Variants in EML6 observed in about 807,000 individuals in gnomAD.
EML6 encodes the protein EMAP like 6.
In EML6, 154 loss-of-function variants were observed where a neutral mutation model predicts 240.1. The observed-to-expected ratio is 0.64, with a 90% CI of 0.56 to 0.73. The LOEUF is 0.73. Among genes scored for constraint, EML6 ranks in the 30% least tolerant of loss-of-function variants. The probability of loss-of-function intolerance (pLI) is 0.00; values close to 1 mark genes in which losing one functional copy is unlikely to be tolerated. For synonymous variants in EML6, 1,148 were observed against 899.0 expected, an observed-to-expected ratio of 1.28 and a Z score of -4.95; for missense variants, 2,964 against 2,474.6, an observed-to-expected ratio of 1.20 and a Z score of -4.20.
intron 7 of EML6, among the ~76,000 whole-genome samples, chr2:54,830,243 T>C (rs1558587034): frequency 1.3e-5 from 2 of 151,986 alleles, no homozygotes; most frequent in Admixed American, 1.3e-4. Flanking sequence ...AAAATGTAAA[T>C]AGGTAAGACA....
chr2:54,725,270 G>C lies in EML6; in HGVS notation c.197+12G>C. 7.1e-7 allele frequency: 1 copy of C among 1,400,086 alleles called. No homozygotes were observed. Among genetic ancestry groups the C allele is most frequent in the Non-Finnish European group, 9.4e-7 (1 of 1,064,900 alleles). The allele number at this position is 1,400,086 out of a possible 1,614,324, so 86.7% of individuals were successfully genotyped here. Reference sequence around the variant, plus strand: ...GACGACATTATCAGGTAAGGGGGTGGCCAGGGGCGGCGGGGAGGGGTTGCG... The same window carrying C: ...GACGACATTATCAGGTAAGGGGGTGCCCAGGGGCGGCGGGGAGGGGTTGCG... On this transcript the variant is annotated intron_variant, in intron 2 of 41. Transcript: ENST00000356458. This position sits in a 1 kb window ranked among gnomAD's most constrained non-coding sequence, Gnocchi z 4.3.
intron 2 of EML6, among the ~76,000 whole-genome samples, chr2:54,742,152 G>C (rs527862665): frequency 6.6e-6 from 1 of 152,290 alleles, no homozygotes; most frequent in South Asian, 2.1e-4. Flanking sequence ...TTAGTGTTCT[G>C]TGGCACAGAT....
At chr2:54,753,739 C>G (rs963502297) in intron 2 of EML6, among the ~76,000 whole-genome samples, 7 of 150,330 alleles carry the variant, frequency 4.7e-5, no homozygotes, top group African/African-American at 1.7e-4. Context: ...AGTCATAGCT[C>G]ACTGCAGCCT....
rs1166249048 is a variant in EML6 at position 54,889,622 on chromosome 2, T to C, written c.2439-1432T>C. 2.6e-5 allele frequency among the ~76,000 whole-genome samples: 4 copies of C among 152,144 alleles called. No individual in the cohort carries two copies. In the South Asian group the frequency reaches 8.3e-4, roughly 31 times the overall value. On this transcript the variant is annotated intron_variant, in intron 17 of 41. Transcript: ENST00000356458. ...GTATATACAAAGGTTATTGATTTGGTATTCAATTTTATATACTGTACCTTT... is the reference window on the plus strand; with the variant it reads ...GTATATACAAAGGTTATTGATTTGGCATTCAATTTTATATACTGTACCTTT...
intron 17 of EML6, among the ~76,000 whole-genome samples, chr2:54,884,085 A>G (rs768221414): frequency 3.9e-5 from 6 of 152,208 alleles, no homozygotes; most frequent in Non-Finnish European, 8.8e-5. Flanking sequence ...CTATTCTGAC[A>G]CTGTCTACCT....
At chr2:54,961,196 T>TTTTGTTTTTTTGTTTTTTTTTTTTG (rs1558729658) in intron 35 of EML6, among the ~76,000 whole-genome samples, 1 of 119,782 alleles carries the variant, frequency 8.3e-6, no homozygotes, top group Non-Finnish European at 1.7e-5. Flanking sequence ...TTTTTTTTTT[T>TTTTGTTTTTTTGTTTTTTTTTTTTG]TTTTTTTGAG....
chr2:54,733,254 A>G (rs903635333), intron 2 of EML6, among the ~76,000 whole-genome samples: 2 of 152,222 alleles, frequency 1.3e-5, no homozygotes, highest in South Asian at 2.1e-4. Flanking sequence ...GAATTATTTT[A>G]AGGCATGAGC....
chr2:54,813,184 G>A, intron 2 of EML6, 48 bp from the exon 3 acceptor site: 1 of 1,359,012 alleles, frequency 7.4e-7, no homozygotes, highest in African/African-American at 1.5e-5. Context: ...AAGGTGATCA[G>A]TGTTTTCTTC....
chr2:54,743,349 A>T (rs1181025255), intron 2 of EML6, among the ~76,000 whole-genome samples: 1 of 152,260 alleles, frequency 6.6e-6, no homozygotes, highest in Admixed American at 6.5e-5. Context: ...GCGAACTCCA[A>T]ATGACAGTGG....
intron 28 of EML6, among the ~76,000 whole-genome samples, chr2:54,936,473 T>C (rs1675140734): frequency 6.6e-6 from 1 of 152,212 alleles, no homozygotes; most frequent in African/African-American, 2.4e-5. Flanking sequence ...CTATATACAG[T>C]TGGAACCTGC....
At chr2:54,884,545 G>C (rs1428836508) in intron 17 of EML6, among the ~76,000 whole-genome samples, 1 of 152,090 alleles carries the variant, frequency 6.6e-6, no homozygotes, top group Non-Finnish European at 1.5e-5. Flanking sequence ...GCTACCTCTG[G>C]GCTGGCGGCC....
At chr2:54,787,738 C>G (rs963060324) in intron 2 of EML6, among the ~76,000 whole-genome samples, 8 of 152,144 alleles carry the variant, frequency 5.3e-5, no homozygotes, top group African/African-American at 1.7e-4. Context: ...CTTAAGATCT[C>G]AAATCAGATT....
intron 2 of EML6, among the ~76,000 whole-genome samples, chr2:54,805,811 T>G (rs533080706): frequency 2.6e-5 from 4 of 152,340 alleles, no homozygotes; most frequent in Middle Eastern, 3.4e-3. Flanking sequence ...TCTTATACTT[T>G]TTGAGTTTTT....
intron 16 of EML6, among the ~76,000 whole-genome samples, chr2:54,876,982 A>T (rs1671539059): frequency 7.0e-6 from 1 of 143,786 alleles, no homozygotes; most frequent in African/African-American, 2.7e-5. Context: ...CATCCAAAAA[A>T]AAATTTTTTT....
chr2:54,928,032 A>G (rs1038148163), intron 26 of EML6, among the ~76,000 whole-genome samples: 2 of 152,322 alleles, frequency 1.3e-5, no homozygotes, highest in South Asian at 4.1e-4. Flanking sequence ...GAGAACCAGA[A>G]CAAGCTTTTT....
At chr2:54,965,226 C>G (rs1379673548) in intron 38 of EML6, among the ~76,000 whole-genome samples, 1 of 152,216 alleles carries the variant, frequency 6.6e-6, no homozygotes, top group Non-Finnish European at 1.5e-5. Context: ...ACTGCTGGGA[C>G]TGATCCCTAA....
chr2:54,959,301 G>T, intron 34 of EML6, 40 bp downstream of exon 34: 1 of 1,474,834 alleles, frequency 6.8e-7, no homozygotes, highest in East Asian at 2.6e-5. Flanking sequence ...GTCGTTTGTT[G>T]TTATCTTGGG....
intron 11 of EML6, among the ~76,000 whole-genome samples, chr2:54,855,434 C>T (rs372975112): frequency 6.6e-6 from 1 of 150,382 alleles, no homozygotes; most frequent in African/African-American, 2.5e-5. Context: ...AATTCACCCC[C>T]ATAATCCAGT....
intron 2 of EML6, among the ~76,000 whole-genome samples, chr2:54,780,079 T>C (rs1668786530): frequency 6.6e-6 from 1 of 152,092 alleles, no homozygotes; most frequent in South Asian, 2.1e-4. Context: ...CTATTCACGG[T>C]TGTATATTCT....
Sources: gnomAD v4.1 joint callset for allele counts (sites outside exome capture counted in the v4.1 genomes callset) on GRCh38, gnomAD v4.1.1 for gene constraint, Gnocchi (gnomAD v3.1) non-coding constraint, MANE v1.5 for transcripts, NCBI Gene and HGNC (gene_info 2026-07-23, HGNC 2026-07-21) for gene names.